Variants in DHX57 observed in about 807,000 individuals in gnomAD.
DHX57 encodes putative ATP-dependent RNA helicase DHX57.
A neutral mutation model predicts 156.2 loss-of-function variants in DHX57; 105 were observed. The observed-to-expected ratio is 0.67, with a 90% CI of 0.57 to 0.79. The LOEUF is 0.79. Ranked by LOEUF, DHX57 falls within the 30% of genes least tolerant of loss-of-function variation. The probability of loss-of-function intolerance (pLI) is 0.00; values close to 1 mark genes in which losing one functional copy is unlikely to be tolerated. For missense variants in DHX57, 1,847 were observed against 1,661.9 expected (o/e 1.11, Z -1.94); for synonymous variants, 704 against 595.6 (o/e 1.18, Z -2.65).
At chr2:38,848,572 C>T (rs566989487) in intron 9 of DHX57, among the ~76,000 whole-genome samples, 170 bp from the exon 10 acceptor site, 1 of 151,242 alleles carries the variant, frequency 6.6e-6, no homozygotes, top group African/African-American at 2.4e-5. Flanking sequence ...CTTACTATTA[C>T]AGGTTGAATA....
rs1572707384 is a variant in DHX57, at chr2:38,862,317, C to T, written c.400G>A (p.Glu134Lys). 1.3e-6 allele frequency: 2 copies of T among 1,583,810 alleles called. No homozygotes were observed. Among genetic ancestry groups the T allele is most frequent in the East Asian group, 4.5e-5 (2 of 44,314 alleles). ...DAGSERGLSG[E>K]EEDDEPDCCN... ...CAATCAGGCTCATCATCTTCCTCCT[C>T]CCCAGAAAGGCCTCTTCTAGCAAAG... The change falls in exon 4 of 24, where the codon GAG becomes AAG. Residue 134 changes from glutamate (E) to lysine (K), a missense_variant. Coordinates refer to ENST00000457308, the MANE Select transcript of DHX57 (RefSeq NM_198963.3).
At chr2:38,837,426 C>G (rs1671736462) in intron 13 of DHX57, among the ~76,000 whole-genome samples, 1 of 151,712 alleles carries the variant, frequency 6.6e-6, no homozygotes, top group African/African-American at 2.4e-5. Context: ...GCCTGGCCAA[C>G]AGGGAGAAAA....
chr2:38,837,620 A>AAAAAAAAAAAAAAAAAAAAAAAAAAT (rs1671751035), intron 13 of DHX57, among the ~76,000 whole-genome samples: 1 of 150,110 alleles, frequency 6.7e-6, no homozygotes, highest in Non-Finnish European at 1.5e-5. Flanking sequence ...TCAAAAAAAA[A>AAAAAAAAAAAAAAAAAAAAAAAAAAT]AAAAGATAAA....
chr2:38,814,942 G>A (rs752326926), intron 20 of DHX57, among the ~76,000 whole-genome samples: 43 of 152,002 alleles, frequency 2.8e-4, no homozygotes, highest in Middle Eastern at 3.2e-3. Flanking sequence ...GGCTGGTCTC[G>A]AGCTCCTGAC....
At chr2:38,845,962 T>C (rs1672260748) in intron 11 of DHX57, among the ~76,000 whole-genome samples, 2 of 151,096 alleles carry the variant, frequency 1.3e-5, no homozygotes, top group African/African-American at 4.9e-5. Context: ...GCCTTCCAGG[T>C]TCAAGCGATT....
chr2:38,808,729 G>A (rs1170762547), intron 21 of DHX57, among the ~76,000 whole-genome samples: 1 of 152,116 alleles, frequency 6.6e-6, no homozygotes, highest in Non-Finnish European at 1.5e-5. Flanking sequence ...GGGGGTTCAT[G>A]ACAGCACCAG....
chr2:38,827,910 G>A (rs1264492234), intron 14 of DHX57, among the ~76,000 whole-genome samples: 3 of 152,064 alleles, frequency 2.0e-5, no homozygotes, highest in African/African-American at 7.2e-5. Context: ...GGGCTGGAGC[G>A]CAATGGTGTG....
intron 23 of DHX57, among the ~76,000 whole-genome samples, chr2:38,799,361 C>G (rs1247421670): frequency 1.4e-5 from 2 of 142,424 alleles, no homozygotes; most frequent in Non-Finnish European, 3.0e-5. Flanking sequence ...AGCGAAACTC[C>G]GTTTCAAAAA....
intron 17 of DHX57, 147 bp from the exon 18 acceptor site, chr2:38,819,291 C>A: frequency 1.4e-6 from 1 of 721,192 alleles, no homozygotes; most frequent in Non-Finnish European, 2.3e-6. Flanking sequence ...CCTCCTGCCT[C>A]AGCCTCCCTG....
intron 6 of DHX57, chr2:38,856,672 TG>T (rs1672918159): frequency 2.3e-6 from 1 of 430,092 alleles, no homozygotes; most frequent in African/African-American, 2.1e-5. Context: ...CCCGGCTTTT[TG>T]TATTTTTTTG....
In DHX57 at chr2:38,868,374, G is replaced by C; in HGVS notation, c.32C>G (p.Pro11Arg). Residue 11 changes from proline to arginine, a missense_variant, in exon 2 of 24, where the codon CCA becomes CGA. By Grantham distance (103) the Pro-to-Arg change is moderately radical. Transcript: ENST00000457308. MSSSVRRKGK[P>R]GKGGGKGSSR... The stretch of plus-strand genomic sequence containing the variant: ...AGACCCTTTTCCACCTCCTTTGCCT[G>C]GCTTGCCTTTTCTTCTTACTGAAGA... 6.2e-7 allele frequency: 1 copy of C among 1,613,248 alleles called. No individual in the cohort carries two copies. Among genetic ancestry groups the C allele is most frequent in the Non-Finnish European group, 8.5e-7 (1 of 1,179,984 alleles).
intron 23 of DHX57, among the ~76,000 whole-genome samples, chr2:38,800,147 G>A (rs1404957193): frequency 6.8e-6 from 1 of 147,944 alleles, no homozygotes; most frequent in East Asian, 2.0e-4. Flanking sequence ...ATGGCACCAT[G>A]GCACTTCAGC....
chr2:38,819,943 T>C (rs1670727710), intron 17 of DHX57, among the ~76,000 whole-genome samples: 1 of 152,204 alleles, frequency 6.6e-6, no homozygotes, highest in Non-Finnish European at 1.5e-5. Flanking sequence ...AGCAGGGAAG[T>C]TAATTTTCAC....
rs999556333 is a variant in DHX57, at chr2:38,825,798, A to G, written c.3014+49T>C. 4 of 1,581,352 alleles carry G rather than the reference A, an allele frequency of 2.5e-6. No individual in the cohort carries two copies. In the South Asian group the frequency reaches 4.4e-5, roughly 18 times the overall value. On this transcript the variant is annotated intron_variant, in intron 16 of 23. Transcript: ENST00000457308. Reference sequence around the variant, plus strand: ...GGAAAACATGGAACTTAATAGAGTGAGAAACATTTAGACCTTTTGGAAGCA... The same window carrying G: ...GGAAAACATGGAACTTAATAGAGTGGGAAACATTTAGACCTTTTGGAAGCA...
intron 19 of DHX57, among the ~76,000 whole-genome samples, chr2:38,817,326 A>T (rs1276060458): frequency 1.3e-5 from 2 of 151,762 alleles, no homozygotes; most frequent in South Asian, 2.1e-4. Context: ...TTATTTATTT[A>T]TTTTTTGAGA....
chr2:38,802,872 A>C lies in DHX57; in HGVS notation c.3860T>G (p.Ile1287Arg). ...TCGGATGAATACTCGACTAGTTTTT[A>C]TCTTCTCGTGGTACAACAGGTAGGG... ...DSPYLLYHEK[I>R]KTSRVFIRDC... is the part of the protein sequence containing the mutation. The change falls in exon 23 of 24, where the codon ATA becomes AGA. Residue 1287 changes from isoleucine to arginine, a missense_variant. By Grantham distance (97) the Ile-to-Arg change is moderately conservative. Coordinates refer to ENST00000457308, the MANE Select transcript of DHX57 (RefSeq NM_198963.3). 6.2e-7 allele frequency: 1 copy of C among 1,614,180 alleles called. No individual in the cohort carries two copies. The highest frequency in any genetic ancestry group is 2.2e-5 in the East Asian group (1 of 44,886).
At chr2:38,832,653 C>T (rs7591959) in intron 13 of DHX57, among the ~76,000 whole-genome samples, 83,484 of 150,976 alleles carry the variant, frequency 0.55, 24,762 homozygotes, top group East Asian at 0.8. Flanking sequence ...TCAAGCAACT[C>T]TCCTGCCTCA....
chr2:38,804,375 A>G (rs1669842729), intron 22 of DHX57, among the ~76,000 whole-genome samples: 1 of 152,138 alleles, frequency 6.6e-6, no homozygotes, highest in African/African-American at 2.4e-5. Context: ...CTGTAATCCC[A>G]GCTACTCAGG....
chr2:38,811,282 G>C (rs1395479582), intron 21 of DHX57: 1 of 519,304 alleles, frequency 1.9e-6, no homozygotes, highest in Non-Finnish European at 3.8e-6. Flanking sequence ...GCGAGTAGCA[G>C]GCGAGCTCAA....
Sources: allele counts gnomAD v4.1 joint callset (sites outside exome capture counted in the v4.1 genomes callset), GRCh38; gene constraint gnomAD v4.1.1; transcripts MANE v1.5; gene names NCBI Gene and HGNC (gene_info 2026-07-23, HGNC 2026-07-21).